Variants in SDCCAG8 observed in about 807,000 individuals in gnomAD.
SDCCAG8 encodes the protein serologically defined colon cancer antigen 8.
In SDCCAG8, 74 loss-of-function variants were observed where a neutral mutation model predicts 101.8. That is an observed-to-expected ratio of 0.73 (90% CI 0.60 to 0.88). The LOEUF (loss-of-function observed/expected upper bound fraction) is 0.88. Among genes scored for constraint, SDCCAG8 ranks in the 40% least tolerant of loss-of-function variants. SDCCAG8 has a pLI of 0.00. For synonymous variants in SDCCAG8, 281 were observed against 292.9 expected (o/e 0.96, Z 0.41); for missense variants, 787 against 822.6 (o/e 0.96, Z 0.53).
At chr1:243,476,674 A>G (rs763519961) in intron 16 of SDCCAG8, among the ~76,000 whole-genome samples, 1 of 152,226 alleles carries the variant, frequency 6.6e-6, no homozygotes, top group African/African-American at 2.4e-5. Flanking sequence ...CGTTAAGACT[A>G]TTGGTAATTC....
intron 9 of SDCCAG8, among the ~76,000 whole-genome samples, chr1:243,319,133 C>T (rs2073527756): frequency 6.6e-6 from 1 of 151,978 alleles, no homozygotes; most frequent in African/African-American, 2.4e-5. Flanking sequence ...AATCAGACCT[C>T]AGGATAACTA....
rs1169197985 is a variant in SDCCAG8, at chr1:243,474,204, C to T, written c.1986-14810C>T. Among the ~76,000 whole-genome samples the T allele has an allele frequency of 1.3e-5, 2 of 152,180 alleles. No individual in the cohort carries two copies. Among genetic ancestry groups the T allele is most frequent in the African/African-American group, 4.8e-5 (2 of 41,448 alleles). The stretch of plus-strand genomic sequence containing the variant: ...ACCTTTCCCATCGCGGGGAAATCAA[C>T]CTTTTTACTCATTGCCTCTCAGGGG... On this transcript the variant is annotated intron_variant, in intron 16 of 17. Coordinates refer to ENST00000366541, the MANE Select transcript of SDCCAG8 (RefSeq NM_006642.5). The surrounding 1 kb of genome is among the most constrained non-coding windows in gnomAD (Gnocchi z 4.7).
At chr1:243,267,452 A>T (rs1572854137) in intron 1 of SDCCAG8, 1 of 327,244 alleles carries the variant, frequency 3.1e-6, no homozygotes, top group East Asian at 8.2e-5. Flanking sequence ...AAAATACAGA[A>T]TTAGCCGGGC....
chr1:243,351,678 A>G (rs2076088634), intron 12 of SDCCAG8, among the ~76,000 whole-genome samples: 2 of 152,238 alleles, frequency 1.3e-5, no homozygotes, highest in African/African-American at 4.8e-5. Flanking sequence ...TGTCTAATAA[A>G]TCAGCCTCTT....
intron 8 of SDCCAG8, among the ~76,000 whole-genome samples, chr1:243,310,647 A>G (rs2072633564): frequency 1.3e-5 from 2 of 152,234 alleles, no homozygotes; most frequent in South Asian, 4.1e-4. Flanking sequence ...ATTTGTTTCT[A>G]TTAAAAAATA....
intron 16 of SDCCAG8, among the ~76,000 whole-genome samples, chr1:243,427,642 C>T (rs1163235996): frequency 6.6e-6 from 1 of 152,012 alleles, no homozygotes; most frequent in Admixed American, 6.6e-5. Flanking sequence ...TATTTATAGA[C>T]TCCTTGTATT....
chr1:243,267,539 G>A (rs2067720309), intron 1 of SDCCAG8: 8 of 423,080 alleles, frequency 1.9e-5, no homozygotes, highest in South Asian at 1.7e-4. Flanking sequence ...GAGGCGGAGG[G>A]TGCGGTGAGC....
intron 10 of SDCCAG8, 42 bp downstream of exon 10, chr1:243,330,734 G>GT (rs758634821): frequency 4.4e-6 from 7 of 1,606,798 alleles, no homozygotes; most frequent in East Asian, 2.2e-5. Flanking sequence ...CAGAAGAAAG[G>GT]TTTTTTATGA....
intron 12 of SDCCAG8, among the ~76,000 whole-genome samples, chr1:243,376,624 A>C (rs1327207075): frequency 6.6e-6 from 1 of 152,062 alleles, no homozygotes; most frequent in East Asian, 1.9e-4. Context: ...CTATTCTGTC[A>C]TTCTTTTGTC....
At position 243,475,868 on chromosome 1, in the gene SDCCAG8, A is replaced by G. The variant is rs1199817241; in HGVS notation, c.1986-13146A>G. 10 of 936,698 alleles carry G rather than the reference A, an allele frequency of 1.1e-5. No homozygotes were observed. In the South Asian group the frequency reaches 3.9e-4, roughly 37 times the overall value. The allele number at this position is 936,698 out of a possible 1,614,324, so 58.0% of individuals were successfully genotyped here. On this transcript the variant is annotated intron_variant, in intron 16 of 17. Transcript: ENST00000366541. ...AGACTGGTTCTCTTGCCACTCCTCA[A>G]AAAGCAAAATTTTGCAGCCCAAATA...
At chr1:243,476,233 G>A (rs1662389187) in intron 16 of SDCCAG8, 1 of 985,352 alleles carries the variant, frequency 1.0e-6, no homozygotes, top group South Asian at 4.7e-5. Context: ...AGGGTCAGCG[G>A]GGAGGCTGCC....
At chr1:243,264,601 C>T (rs774933869) in intron 1 of SDCCAG8, among the ~76,000 whole-genome samples, 6 of 151,328 alleles carry the variant, frequency 4.0e-5, no homozygotes, top group East Asian at 3.9e-4. Context: ...GCAACCAGAG[C>T]GAAAACTCCA....
chr1:243,495,940 G>A (rs190091296), intron 17 of SDCCAG8, among the ~76,000 whole-genome samples: 8 of 152,248 alleles, frequency 5.3e-5, no homozygotes, highest in Middle Eastern at 3.4e-3. Context: ...GCCTGGATTC[G>A]AATCTCAGCT....
intron 1 of SDCCAG8, among the ~76,000 whole-genome samples, chr1:243,258,271 C>A (rs2066919492): frequency 6.6e-6 from 1 of 152,002 alleles, no homozygotes; most frequent in Non-Finnish European, 1.5e-5. Flanking sequence ...CAGGACATAT[C>A]ATTTATTTAG....
At position 243,274,600 on chromosome 1, in the gene SDCCAG8, A is replaced by AT; in HGVS notation, c.366dup (p.Asn123Ter). 1 of 1,612,054 alleles carries AT rather than the reference A, an allele frequency of 6.2e-7. No individual in the cohort carries two copies. The highest frequency in any genetic ancestry group is 8.5e-7 in the Non-Finnish European group (1 of 1,178,546). On this transcript the variant is annotated frameshift_variant, in exon 4 of 18. Transcript: ENST00000366541. LOFTEE classifies it high-confidence loss of function. ...TACTATGCACGACCTTGTTCATACT[A>AT]TTAATGACCAGTCTCAATATATTCA...
rs146878984 is a variant in SDCCAG8 at position 243,420,745 on chromosome 1, G to C, written c.1853+2669G>C. On this transcript the variant is annotated intron_variant, in intron 15 of 17. Coordinates refer to ENST00000366541, the MANE Select transcript of SDCCAG8 (RefSeq NM_006642.5). Reference sequence around the variant, plus strand: ...TGAATAGGACAAATTTTGATTTTAGGGTTGTTTGTTCTTAATTTCTTTTAG... The same window carrying C: ...TGAATAGGACAAATTTTGATTTTAGCGTTGTTTGTTCTTAATTTCTTTTAG... 5.8e-3 allele frequency among the ~76,000 whole-genome samples: 880 copies of C among 152,168 alleles called. 10 individuals are homozygous for C. The highest frequency in any genetic ancestry group is 0.02 in the African/African-American group (832 of 41,524).
chr1:243,376,080 T>C (rs1332792581), intron 12 of SDCCAG8, among the ~76,000 whole-genome samples: 1 of 152,158 alleles, frequency 6.6e-6, no homozygotes, highest in East Asian at 1.9e-4. Flanking sequence ...TACTGCTTCA[T>C]TGAGAAGGGG....
At chr1:243,402,535 T>C (rs2079477880) in intron 13 of SDCCAG8, among the ~76,000 whole-genome samples, 1 of 152,242 alleles carries the variant, frequency 6.6e-6, no homozygotes, top group Admixed American at 6.5e-5. Flanking sequence ...TGACGTATTT[T>C]AAATTTTTTT....
chr1:243,358,587 C>T (rs1305129967), intron 12 of SDCCAG8, among the ~76,000 whole-genome samples: 3 of 152,132 alleles, frequency 2.0e-5, no homozygotes, highest in African/African-American at 7.2e-5. Context: ...TATCATATGA[C>T]CCAGCAATTC....
Sources: allele counts gnomAD v4.1 joint callset (sites outside exome capture counted in the v4.1 genomes callset), GRCh38; gene constraint gnomAD v4.1.1; non-coding constraint Gnocchi (gnomAD v3.1); transcripts MANE v1.5; gene names NCBI Gene and HGNC (gene_info 2026-07-23, HGNC 2026-07-21).